LSAMP: variants seen among roughly 807,000 people sequenced by gnomAD.
LSAMP encodes limbic system associated membrane protein.
Under a neutral mutation model 38.6 loss-of-function variants are expected in LSAMP, and 7 were observed. The ratio of observed to expected loss-of-function variants is 0.18; its 90% confidence interval spans 0.10 to 0.34. The LOEUF (loss-of-function observed/expected upper bound fraction) is 0.34, where lower values mean the gene tolerates loss of function less well. Ranked by LOEUF, LSAMP falls within the 10% of genes least tolerant of loss-of-function variation. LSAMP has a pLI of 1.00. For missense variants in LSAMP, 313 were observed against 420.0 expected, an observed-to-expected ratio of 0.75 and a Z score of 2.23; for synonymous variants, 154 against 166.8, an observed-to-expected ratio of 0.92 and a Z score of 0.59.
At chr3:116,171,278 G>A (rs1228314123) in intron 1 of LSAMP, among the ~76,000 whole-genome samples, 2 of 152,000 alleles carry the variant, frequency 1.3e-5, no homozygotes. Flanking sequence ...GCTGAGAAGG[G>A]GAATAGGATT....
At chr3:116,201,304 C>A (rs1442619055) in intron 1 of LSAMP, among the ~76,000 whole-genome samples, 1 of 152,214 alleles carries the variant, frequency 6.6e-6, no homozygotes, top group African/African-American at 2.4e-5. Flanking sequence ...TTAAACACAG[C>A]CTTTCCTCTT....
At chr3:116,283,724 G>C (rs1177151847) in intron 1 of LSAMP, among the ~76,000 whole-genome samples, 2 of 152,212 alleles carry the variant, frequency 1.3e-5, no homozygotes, top group African/African-American at 4.8e-5. Context: ...GATGGAGGTT[G>C]TGACGGTATG....
At chr3:115,858,286 A>G in intron 3 of LSAMP, among the ~76,000 whole-genome samples, 1 of 152,144 alleles carries the variant, frequency 6.6e-6, no homozygotes, top group Non-Finnish European at 1.5e-5. Context: ...GAACAGGACT[A>G]GCCTCAAAAA....
intron 3 of LSAMP, among the ~76,000 whole-genome samples, chr3:116,010,163 C>A (rs1576304593): frequency 6.6e-6 from 1 of 152,160 alleles, no homozygotes; most frequent in Admixed American, 6.5e-5. Context: ...GTGATCCACC[C>A]ACCTTGGCCT....
At chr3:115,953,007 A>G (rs1268886905) in intron 3 of LSAMP, among the ~76,000 whole-genome samples, 1 of 152,184 alleles carries the variant, frequency 6.6e-6, no homozygotes, top group East Asian at 1.9e-4. Context: ...AGATGAGGAA[A>G]TAATTTGCTC....
At chr3:116,138,144 CTTTGA>C (rs1709291397) in intron 1 of LSAMP, among the ~76,000 whole-genome samples, 1 of 152,094 alleles carries the variant, frequency 6.6e-6, no homozygotes, top group East Asian at 1.9e-4. Flanking sequence ...AAGGACTGCA[CTTTGA>C]ACATCAAAGT....
intron 3 of LSAMP, among the ~76,000 whole-genome samples, chr3:115,980,440 T>C (rs927574116): frequency 6.6e-5 from 10 of 151,064 alleles, no homozygotes; most frequent in Non-Finnish European, 1.5e-5. Context: ...GATCTCTCAG[T>C]TTGGAGTTTT....
intron 1 of LSAMP, among the ~76,000 whole-genome samples, chr3:116,345,673 A>G (rs1274806434): frequency 3.3e-5 from 5 of 152,028 alleles, no homozygotes; most frequent in Non-Finnish European, 5.9e-5. Flanking sequence ...AGAACTTCTG[A>G]GATTTGTTTG....
intron 1 of LSAMP, among the ~76,000 whole-genome samples, chr3:116,286,853 T>C (rs1464953249): frequency 1.3e-5 from 2 of 150,812 alleles, no homozygotes; most frequent in Non-Finnish European, 1.5e-5. Flanking sequence ...TAGTTCTGCA[T>C]TGCCTACCTC....
chr3:116,097,898 G>A (rs145829917), intron 1 of LSAMP, among the ~76,000 whole-genome samples: 1 of 151,934 alleles, frequency 6.6e-6, no homozygotes, highest in African/African-American at 2.4e-5. Context: ...ACCATACCTG[G>A]CTAATTTTGT....
At position 116,297,051 on chromosome 3, in the gene LSAMP, C is replaced by T. The variant is rs1000782774; in HGVS notation, c.155+147826G>A. Among the ~76,000 whole-genome samples the T allele has an allele frequency of 2.0e-5, 3 of 152,218 alleles. No homozygotes were observed. The South Asian group carries it at 6.2e-4, about 32-fold the overall frequency. ...GTAAAAAGTATGGAAAGAAATATGT[C>T]AGGATTCTGAGCATCAAGGACTGTG... On this transcript the variant is annotated intron_variant, in intron 1 of 6. Transcript: ENST00000490035.
chr3:115,844,057 C>T (rs1935081126), intron 4 of LSAMP, among the ~76,000 whole-genome samples: 1 of 151,958 alleles, frequency 6.6e-6, no homozygotes, highest in Non-Finnish European at 1.5e-5. Flanking sequence ...GCTGTTTGGA[C>T]TTCTCATCAT....
intron 1 of LSAMP, among the ~76,000 whole-genome samples, chr3:116,343,725 A>G (rs2048027536): frequency 6.6e-6 from 1 of 152,002 alleles, no homozygotes; most frequent in African/African-American, 2.4e-5. Flanking sequence ...TTCATCTTCA[A>G]AAAGCATGGC....
intron 1 of LSAMP, among the ~76,000 whole-genome samples, chr3:116,104,580 C>G (rs1559744026): frequency 6.6e-6 from 1 of 151,998 alleles, no homozygotes; most frequent in South Asian, 2.1e-4. Flanking sequence ...TCATTTTTGC[C>G]GAAATCATCC....
intron 1 of LSAMP, among the ~76,000 whole-genome samples, chr3:116,419,740 C>A (rs1275069869): frequency 6.6e-6 from 1 of 152,010 alleles, no homozygotes; most frequent in Non-Finnish European, 1.5e-5. Context: ...CCAACTTGGG[C>A]CAGAAAAGAT....
At chr3:116,111,115 G>A (rs899799396) in intron 1 of LSAMP, among the ~76,000 whole-genome samples, 28 of 152,284 alleles carry the variant, frequency 1.8e-4, no homozygotes, top group African/African-American at 4.8e-4. Flanking sequence ...CAGTTAAGGC[G>A]GGGCAGGGCC....
At chr3:116,054,962 A>C (rs892151572) in intron 2 of LSAMP, among the ~76,000 whole-genome samples, 21 of 152,170 alleles carry the variant, frequency 1.4e-4, no homozygotes, top group Non-Finnish European at 7.3e-5. Flanking sequence ...TGTATTCTGA[A>C]GTCTGAATAC....
intron 1 of LSAMP, among the ~76,000 whole-genome samples, chr3:116,437,331 G>A (rs917461410): frequency 4.0e-5 from 6 of 151,808 alleles, no homozygotes; most frequent in East Asian, 3.9e-4. Flanking sequence ...GGTGCAGCAG[G>A]ATCTCACAAA....
At chr3:116,386,859 G>A (rs1369211680) in intron 1 of LSAMP, among the ~76,000 whole-genome samples, 1 of 152,126 alleles carries the variant, frequency 6.6e-6, no homozygotes, top group Admixed American at 6.5e-5. Flanking sequence ...ATTTAAACTG[G>A]ATCTTGAAGG....
Sources: gnomAD v4.1 joint callset for allele counts (sites outside exome capture counted in the v4.1 genomes callset) on GRCh38, gnomAD v4.1.1 for gene constraint, MANE v1.5 for transcripts, NCBI Gene and HGNC (gene_info 2026-07-23, HGNC 2026-07-21) for gene names.